Variants in ATP7B observed in about 807,000 individuals in gnomAD.
ATP7B encodes the protein ATPase copper transporting beta.
A neutral mutation model predicts 118.9 loss-of-function variants in ATP7B; 113 were observed. The ratio of observed to expected loss-of-function variants is 0.95; its 90% CI spans 0.82 to 1.11. ATP7B has a LOEUF of 1.11. Among genes scored for constraint, ATP7B ranks in the 50% most tolerant of loss-of-function variants. The pLI, the probability that ATP7B is intolerant of heterozygous loss-of-function variation, is 0.00. For missense variants in ATP7B, 1,867 were observed against 1,871.4 expected, an observed-to-expected ratio of 1.00 and a Z score of 0.04; for synonymous variants, 777 against 727.4, an observed-to-expected ratio of 1.07 and a Z score of -1.10.
Position 51,969,271 on chromosome 13 carries a change from T to TAGTC in ATP7B, c.1544-668_1544-665dup, listed in dbSNP as rs202229961. ...ACCTTGTTAAAATAGAGCTTCTGACTAGTCGGTCTAGGATGAGGTTTGAGA... is the reference window on the plus strand; with the variant it reads ...ACCTTGTTAAAATAGAGCTTCTGACTAGTCAGTCGGTCTAGGATGAGGTTTGAGA... On this transcript the variant is annotated intron_variant, in intron 3 of 20. Coordinates refer to ENST00000242839, the MANE Select transcript of ATP7B (RefSeq NM_000053.4). Among the ~76,000 whole-genome samples, 861 of 152,178 alleles carry TAGTC rather than the reference T, an allele frequency of 5.7e-3. 1 individual carries two copies. The highest frequency in any genetic ancestry group is 0.019 in the African/African-American group (775 of 41,516).
chr13:51,935,765 G>T, intron 19 of ATP7B, 70 bp from the exon 20 acceptor site: 1 of 1,415,364 alleles, frequency 7.1e-7, no homozygotes, highest in South Asian at 1.3e-5. Flanking sequence ...TTCAGGCACC[G>T]GGCTGCCCCA....
At chr13:51,966,809 T>C (rs1186704278) in intron 4 of ATP7B, 1 of 1,612,184 alleles carries the variant, frequency 6.2e-7, no homozygotes, top group Non-Finnish European at 8.5e-7. Context: ...GATGAATACA[T>C]GAAGGAGCTA....
rs1254156210 is a variant in ATP7B, at chr13:51,964,973, T to C, written c.1768A>G (p.Asn590Asp). Residue 590 changes from asparagine (N) to aspartate (D), a missense_variant, in exon 5 of 21, where the codon AAT (asparagine) becomes GAT (aspartate). By Grantham distance (23) the Asn-to-Asp change is conservative (BLOSUM62 1). Transcript: ENST00000242839. ...HNIESKLTRT[N>D]GITYASVALA... is the part of the protein sequence containing the mutation. ...GCAACGGAGGCATAAGTGATGCCAT[T>C]TGTCCTCGTGAGTTTGGACTCTATG... The C allele has an allele frequency of 1.9e-6, 3 of 1,614,202 alleles. No homozygotes were observed. Among genetic ancestry groups the C allele is most frequent in the Admixed American group, 1.7e-5 (1 of 60,030 alleles).
intron 9 of ATP7B, among the ~76,000 whole-genome samples, chr13:51,954,673 A>G (rs754609): frequency 0.57 from 86,822 of 151,832 alleles, 24,932 homozygotes; most frequent in Middle Eastern, 0.64. Flanking sequence ...GCATGAGGGT[A>G]CCTTTGCCTG....
intron 5 of ATP7B, among the ~76,000 whole-genome samples, chr13:51,963,145 A>G (rs1958860743): frequency 6.6e-6 from 1 of 152,092 alleles, no homozygotes; most frequent in African/African-American, 2.4e-5. Context: ...TGTGTTCAAA[A>G]GCACCACATG....
intron 14 of ATP7B, among the ~76,000 whole-genome samples, chr13:51,943,265 G>A (rs1314940963): frequency 6.6e-6 from 1 of 152,170 alleles, no homozygotes; most frequent in African/African-American, 2.4e-5. Flanking sequence ...TCCACTTGCT[G>A]CAGAGGACCC....
rs541208827 is a variant in ATP7B at position 51,942,482 on chromosome 13, C to T, written c.3316G>A (p.Val1106Ile). 59 of 1,614,240 alleles carry T rather than the reference C, an allele frequency of 3.7e-5. No homozygotes were observed. The East Asian group carries it at 8.9e-4, about 24-fold the overall frequency. ...GCCAGGATGCCTTCCACGTTGCTGA[C>T]TTTGCACCCAATTCCACAGCCTGGC... ...AVPGCGIGCK[V>I]SNVEGILAHS... The change falls in exon 15 of 21, where the codon GTC (valine) becomes ATC (isoleucine). Residue 1106 changes from valine to isoleucine, a missense_variant. Transcript: ENST00000242839.
chr13:51,936,486 G>A (rs1327550945), intron 19 of ATP7B, among the ~76,000 whole-genome samples: 1 of 151,898 alleles, frequency 6.6e-6, no homozygotes, highest in Non-Finnish European at 1.5e-5. Context: ...CTTAAGGAGG[G>A]GGAATGAGGG....
At chr13:52,007,891 T>C (rs780054291) in intron 1 of ATP7B, among the ~76,000 whole-genome samples, 1 of 152,170 alleles carries the variant, frequency 6.6e-6, no homozygotes, top group South Asian at 2.1e-4. Flanking sequence ...ATGGAAAAGA[T>C]AGGGCAAAAT....
chr13:51,984,259 C>A (rs1368517320), intron 1 of ATP7B, among the ~76,000 whole-genome samples: 1 of 151,862 alleles, frequency 6.6e-6, no homozygotes, highest in Non-Finnish European at 1.5e-5. Context: ...ACAAGAACTT[C>A]GTGAAGCATA....
Position 51,954,852 on chromosome 13 carries a change from C to T in ATP7B, c.2447+2664G>A, listed in dbSNP as rs9989072. Among the ~76,000 whole-genome samples, 700 of 152,320 alleles carry T rather than the reference C, an allele frequency of 4.6e-3. 6 individuals are homozygous for T. Among genetic ancestry groups the T allele is most frequent in the African/African-American group, 0.015 (628 of 41,562 alleles). On this transcript the variant is annotated intron_variant, in intron 9 of 20. Coordinates refer to ENST00000242839, the MANE Select transcript of ATP7B (RefSeq NM_000053.4). ...CGTAGGTTTGAGAATGAGCTTCTCA[C>T]GGCTGTTAACCAAAGACGTGGGAGA...
At chr13:51,996,812 G>A (rs1276763985) in intron 1 of ATP7B, among the ~76,000 whole-genome samples, 24 of 152,120 alleles carry the variant, frequency 1.6e-4, no homozygotes, top group Admixed American at 1.2e-3. Flanking sequence ...CACTTGTGGC[G>A]GTTGCTATCA....
At chr13:51,976,963 C>CTT (rs1952149596) in intron 1 of ATP7B, among the ~76,000 whole-genome samples, 1 of 152,088 alleles carries the variant, frequency 6.6e-6, no homozygotes, top group African/African-American at 2.4e-5. Flanking sequence ...ACACTGTAAA[C>CTT]TTAGGCTACA....
In ATP7B at chr13:51,949,765, C is replaced by T. The variant is rs1230241288; in HGVS notation, c.2762G>A (p.Ser921Asn). ...APIQQLADRF[S>N]GYFVPFIIIM... ...GATGATAAATGGGACAAAATATCCA[C>T]TAAACCGGTCAGCCAGCTGCTGAAT... The change falls in exon 12 of 21, where the codon AGT (serine) becomes AAT (asparagine). Residue 921 changes from serine (S) to asparagine (N), a missense_variant. Coordinates refer to ENST00000242839, the MANE Select transcript of ATP7B (RefSeq NM_000053.4). 2.5e-6 allele frequency: 4 copies of T among 1,613,932 alleles called. No individual in the cohort carries two copies. Among genetic ancestry groups the T allele is most frequent in the Non-Finnish European group, 3.4e-6 (4 of 1,180,026 alleles).
intron 1 of ATP7B, among the ~76,000 whole-genome samples, chr13:51,976,054 A>G (rs1483063424): frequency 6.6e-6 from 1 of 152,254 alleles, no homozygotes; most frequent in African/African-American, 2.4e-5. Flanking sequence ...GTTTCTACAC[A>G]GGATGATGTA....
chr13:51,966,523 C>G (rs191475787), intron 4 of ATP7B, among the ~76,000 whole-genome samples: 1 of 152,284 alleles, frequency 6.6e-6, no homozygotes, highest in African/African-American at 2.4e-5. Flanking sequence ...ATGTATTAGG[C>G]AAATATGAAG....
intron 1 of ATP7B, among the ~76,000 whole-genome samples, chr13:51,987,210 T>C (rs1010638617): frequency 2.0e-5 from 3 of 152,154 alleles, no homozygotes; most frequent in Admixed American, 2.0e-4. Flanking sequence ...TGATAAGCAA[T>C]TTCAGCAAAG....
chr13:51,935,588 C>T lies in ATP7B; in HGVS notation c.4124+5G>A, dbSNP rs1321980462. ...CCCACAGATGCTCCACCTGAGGGGA[C>T]TCACCACTTGAGCTGCAGGGATGAG... On this transcript the variant is annotated splice_donor_5th_base_variant and intron_variant, in intron 20 of 20. Transcript: ENST00000242839. 6.2e-7 allele frequency: 1 copy of T among 1,612,676 alleles called. No homozygotes were observed.
Position 51,934,536 on chromosome 13 carries a change from G to A in ATP7B, c.*220C>T. On this transcript the variant is annotated 3_prime_UTR_variant, in exon 21 of 21. Coordinates refer to ENST00000242839, the MANE Select transcript of ATP7B (RefSeq NM_000053.4). ...GTCCAAGACAAAGCCCATGCTGACG[G>A]TCCCGTGAGGCCAAGAGGCAGGCAG... 1 of 667,630 alleles carries A rather than the reference G, an allele frequency of 1.5e-6. No homozygotes were observed. 41.4% of individuals were successfully genotyped at this position (667,630 alleles called of 1,614,324 possible).
Sources: allele counts gnomAD v4.1 joint callset (sites outside exome capture counted in the v4.1 genomes callset), GRCh38; gene constraint gnomAD v4.1.1; transcripts MANE v1.5; gene names NCBI Gene and HGNC (gene_info 2026-07-23, HGNC 2026-07-21).